AKT3: variants seen among roughly 807,000 people sequenced by gnomAD.
AKT3 encodes the protein RAC-gamma serine/threonine-protein kinase.
In AKT3, 15 loss-of-function variants were observed where a neutral mutation model predicts 65.3. The observed-to-expected ratio is 0.23, with a 90% CI of 0.15 to 0.35. AKT3 has a LOEUF of 0.35. AKT3 is among the 10% of genes least tolerant of loss of function. The probability of loss-of-function intolerance (pLI) is 1.00; values close to 1 mark genes in which losing one functional copy is unlikely to be tolerated. For missense variants in AKT3, 243 were observed against 576.5 expected (o/e 0.42, Z 5.92); for synonymous variants, 206 against 183.8 (o/e 1.12, Z -0.98).
rs33950392 is a variant in AKT3, at chr1:243,492,295, C to CTTTTTTTTTTTT, written c.*7-3857_*7-3846dup. Among the ~76,000 whole-genome samples, 8 of 63,124 alleles carry CTTTTTTTTTTTT rather than the reference C, an allele frequency of 1.3e-4. 1 individual carries two copies. Among genetic ancestry groups the CTTTTTTTTTTTT allele is most frequent in the Non-Finnish European group, 1.6e-4 (6 of 37,854 alleles). 41.4% of individuals were successfully genotyped at this position (63,124 alleles called of 152,430 possible). A position where few individuals can be genotyped will look rare whatever the true frequency, so the allele number is the denominator to read the frequency against. ...CTCAAGCTCTCGGCTCGTTTCTTGG[C>CTTTTTTTTTTTT]TTTTTTTTTTTTTTTTTTTTTTTTG... is the stretch of plus-strand genomic sequence containing the variant. On this transcript the variant is annotated intron_variant, in intron 13 of 13. Transcript: ENST00000336199.
At chr1:243,704,902 C>A (rs552537787) in intron 2 of AKT3, among the ~76,000 whole-genome samples, 59 of 152,096 alleles carry the variant, frequency 3.9e-4, no homozygotes, top group Non-Finnish European at 5.7e-4. Context: ...TTATTTCACC[C>A]GGTAAACTCT....
chr1:243,604,692 C>T (rs1199979167), intron 8 of AKT3, among the ~76,000 whole-genome samples: 2 of 152,138 alleles, frequency 1.3e-5, no homozygotes. Flanking sequence ...TCTCCATGCA[C>T]AGTAACCAGT....
chr1:243,608,154 A>C (rs569673259), intron 8 of AKT3, among the ~76,000 whole-genome samples: 1 of 152,116 alleles, frequency 6.6e-6, no homozygotes, highest in Non-Finnish European at 1.5e-5. Context: ...CCTACTACAC[A>C]CCTGGGCTAT....
At chr1:243,763,568 T>C (rs1689630147) in intron 2 of AKT3, among the ~76,000 whole-genome samples, 1 of 152,002 alleles carries the variant, frequency 6.6e-6, no homozygotes, top group Non-Finnish European at 1.5e-5. Context: ...AGATTTAAAA[T>C]AAGGAAGGAG....
At chr1:243,671,564 A>G (rs1412218255) in intron 3 of AKT3, among the ~76,000 whole-genome samples, 1 of 152,208 alleles carries the variant, frequency 6.6e-6, no homozygotes, top group East Asian at 1.9e-4. Flanking sequence ...CATAACACCT[A>G]TTTAAGACTC....
rs193288831 is a variant in AKT3, at chr1:243,651,107, G to C, written c.285-5070C>G. Among the ~76,000 whole-genome samples, 11 of 152,196 alleles carry C rather than the reference G, an allele frequency of 7.2e-5. No homozygotes were observed. The East Asian group carries it at 2.1e-3, about 29-fold the overall frequency. On this transcript the variant is annotated intron_variant, in intron 4 of 13. Transcript: ENST00000673466. ...AGTGGTTTGTAGTTCTCCTTGAAGA[G>C]GTCCTTCACATACCTTGTAATTTGG...
intron 2 of AKT3, chr1:243,740,686 T>C (rs758410445): frequency 6.6e-6 from 1 of 152,218 alleles, no homozygotes; most frequent in Non-Finnish European, 1.5e-5. Context: ...AGATCCCTGC[T>C]CTATGGCACT....
chr1:243,840,824 A>T (rs1315306701), intron 2 of AKT3, among the ~76,000 whole-genome samples: 1 of 152,102 alleles, frequency 6.6e-6, no homozygotes, highest in Non-Finnish European at 1.5e-5. Context: ...ACCAAAAAAT[A>T]AAAGGAAGAA....
chr1:243,520,987 T>G (rs1334915168), intron 12 of AKT3, among the ~76,000 whole-genome samples: 1 of 152,238 alleles, frequency 6.6e-6, no homozygotes, highest in Non-Finnish European at 1.5e-5. Context: ...GCTGGAATGA[T>G]TCCATGAGTG....
At chr1:243,625,181 G>C (rs1442081711) in intron 6 of AKT3, 1 of 144,604 alleles carries the variant, frequency 6.9e-6, no homozygotes, top group Admixed American at 7.8e-5. Context: ...TCCCAGGCTG[G>C]AGTACAGTGG....
intron 9 of AKT3, among the ~76,000 whole-genome samples, chr1:243,567,821 A>G (rs1674279587): frequency 2.0e-5 from 3 of 152,144 alleles, no homozygotes; most frequent in Admixed American, 2.0e-4. Flanking sequence ...TAAAATGTAC[A>G]GTTCTGTTAT....
chr1:243,570,291 G>A (rs1214565181), intron 9 of AKT3, among the ~76,000 whole-genome samples: 1 of 152,180 alleles, frequency 6.6e-6, no homozygotes. Flanking sequence ...TTAGTAATGA[G>A]AACAGAGACA....
chr1:243,515,098 T>C (rs1670265890), intron 12 of AKT3, among the ~76,000 whole-genome samples: 3 of 152,240 alleles, frequency 2.0e-5, no homozygotes, highest in African/African-American at 7.2e-5. Context: ...ATTACTTTGA[T>C]ATTCATCCAT....
chr1:243,730,665 G>A (rs1362956081), intron 2 of AKT3, among the ~76,000 whole-genome samples: 8 of 152,196 alleles, frequency 5.3e-5, no homozygotes. Flanking sequence ...GGGGTGAGGT[G>A]GTGGGACTGA....
intron 2 of AKT3, among the ~76,000 whole-genome samples, chr1:243,779,537 G>A (rs888766432): frequency 2.0e-5 from 3 of 151,940 alleles, no homozygotes; most frequent in African/African-American, 7.2e-5. Context: ...TCTCACTAGT[G>A]TCAAATACAC....
intron 5 of AKT3, among the ~76,000 whole-genome samples, chr1:243,642,307 TTTTGTTTG>T (rs765706936): frequency 3.2e-4 from 48 of 152,176 alleles, no homozygotes; most frequent in Non-Finnish European, 6.8e-4. Flanking sequence ...AAGTCCTTTT[TTTTGTTTG>T]TTTGTTTGTT....
At chr1:243,617,135 T>C (rs12733648) in intron 6 of AKT3, among the ~76,000 whole-genome samples, 2 of 150,180 alleles carry the variant, frequency 1.3e-5, no homozygotes, top group Non-Finnish European at 3.0e-5. Flanking sequence ...AGTTCATTCA[T>C]CCATCCACCC....
At chr1:243,797,082 T>G (rs973225944) in intron 2 of AKT3, among the ~76,000 whole-genome samples, 2 of 152,110 alleles carry the variant, frequency 1.3e-5, no homozygotes, top group African/African-American at 4.8e-5. Context: ...GTGCATGTAC[T>G]TGATGTCGCT....
chr1:243,614,222 G>A (rs951708616), intron 7 of AKT3, among the ~76,000 whole-genome samples: 1 of 152,012 alleles, frequency 6.6e-6, no homozygotes. Flanking sequence ...AATTTTGTAG[G>A]TTATATATAG....
Sources: allele counts gnomAD v4.1 joint callset (sites outside exome capture counted in the v4.1 genomes callset), GRCh38; gene constraint gnomAD v4.1.1; transcripts MANE v1.5; gene names NCBI Gene and HGNC (gene_info 2026-07-23, HGNC 2026-07-21).